The following YAE1 variants were observed in gnomAD, a reference collection of about 807,000 sequenced individuals.
YAE1 encodes the protein protein YAE1 homolog.
Under a neutral mutation model 23.0 loss-of-function variants are expected in YAE1, and 22 were observed. That is an observed-to-expected ratio of 0.96 (90% CI 0.68 to 1.37). The LOEUF is 1.37. Among genes scored for constraint, YAE1 ranks in the 40% most tolerant of loss-of-function variants. YAE1 has a pLI of 0.00. For synonymous variants in YAE1, 101 were observed against 97.0 expected, an observed-to-expected ratio of 1.04 and a Z score of -0.24; for missense variants, 260 against 262.1, an observed-to-expected ratio of 0.99 and a Z score of 0.06.
At chr7:39,576,757 C>G (rs1286505519), downstream of YAE1, among the ~76,000 whole-genome samples, 1 of 151,994 alleles carries the variant, frequency 6.6e-6, no homozygotes, top group Non-Finnish European at 1.5e-5. Context: ...TTCAGCATCA[C>G]ACCCTGTACA....
At chr7:39,597,661 G>A (rs1211614959) in intron 2 of YAE1, among the ~76,000 whole-genome samples, 2 of 152,182 alleles carry the variant, frequency 1.3e-5, no homozygotes, top group African/African-American at 4.8e-5. Flanking sequence ...CAGCAGGGCC[G>A]AGAAGCTGGG....
chr7:39,574,759 G>A (rs918333358), downstream of YAE1, among the ~76,000 whole-genome samples: 9 of 142,222 alleles, frequency 6.3e-5, no homozygotes, highest in African/African-American at 1.6e-4. Context: ...AAAAAAATCC[G>A]ACAGCCATGG....
At chr7:39,588,395 C>G (rs931177170) in intron 2 of YAE1, among the ~76,000 whole-genome samples, 32 of 151,992 alleles carry the variant, frequency 2.1e-4, no homozygotes, top group African/African-American at 7.7e-4. Context: ...GCCTGTAATC[C>G]CAGCTACTCA....
rs139348911 is a variant in YAE1 at position 39,590,367 on chromosome 7, G to T, written c.252-19250G>T. ...TTAAGATATGTCAGATAATTGCTAA[G>T]GGTTTTATATGGACTATGTTATTTT... On this transcript the variant is annotated intron_variant, in intron 2 of 2. Coordinates refer to the YAE1 transcript ENST00000432096. 9.5e-4 allele frequency among the ~76,000 whole-genome samples: 145 copies of T among 152,208 alleles called. 2 individuals carry two copies. The East Asian group carries it at 0.025, about 27-fold the overall frequency.
chr7:39,601,095 A>T (rs1791048955), intron 2 of YAE1, among the ~76,000 whole-genome samples: 2 of 152,228 alleles, frequency 1.3e-5, no homozygotes, highest in African/African-American at 4.8e-5. Context: ...TATTTTATGT[A>T]AGCAGGCATT....
At chr7:39,590,237 A>T (rs1790883047) in intron 2 of YAE1, among the ~76,000 whole-genome samples, 1 of 152,254 alleles carries the variant, frequency 6.6e-6, no homozygotes, top group African/African-American at 2.4e-5. Context: ...ACACAACTTA[A>T]ATGGTAATCT....
At chr7:39,610,094 C>T (rs1791188342) in exon 3 of YAE1, 1 of 1,297,288 alleles carries the variant, frequency 7.7e-7, no homozygotes, top group Non-Finnish European at 1.0e-6. Flanking sequence ...TGGACCAGCC[C>T]ACCTTGGCCC....
chr7:39,601,932 G>A (rs1261601782), intron 2 of YAE1, among the ~76,000 whole-genome samples: 1 of 151,966 alleles, frequency 6.6e-6, no homozygotes, highest in Non-Finnish European at 1.5e-5. Context: ...AACTTCAAGG[G>A]GCATAATGCC....
At chr7:39,580,487 T>A (rs2115797225) in intron 2 of YAE1, among the ~76,000 whole-genome samples, 1 of 152,356 alleles carries the variant, frequency 6.6e-6, no homozygotes, top group East Asian at 1.9e-4. Context: ...TCTGCGGAAG[T>A]TGAATCCTGG....
At chr7:39,599,606 C>G (rs770731122) in intron 2 of YAE1, among the ~76,000 whole-genome samples, 19 of 151,976 alleles carry the variant, frequency 1.3e-4, no homozygotes, top group Non-Finnish European at 2.4e-4. Flanking sequence ...GAAGTTATTA[C>G]CTCCTATAAT....
intron 2 of YAE1, chr7:39,609,453 C>A: frequency 2.3e-6 from 2 of 871,562 alleles, no homozygotes; most frequent in Non-Finnish European, 3.4e-6. Flanking sequence ...ATGATGTTAT[C>A]AAATTGGGAG....
At chr7:39,593,491 G>A (rs764350359) in intron 2 of YAE1, among the ~76,000 whole-genome samples, 3 of 152,036 alleles carry the variant, frequency 2.0e-5, no homozygotes, top group African/African-American at 7.2e-5. Flanking sequence ...CAAGTGATCC[G>A]CCTGCCCTGG....
intron 2 of YAE1, among the ~76,000 whole-genome samples, chr7:39,601,222 C>A (rs1301651661): frequency 6.6e-6 from 1 of 152,176 alleles, no homozygotes; most frequent in African/African-American, 2.4e-5. Context: ...AGTTCTGTGC[C>A]AGGAACATGC....
At position 39,570,529 on chromosome 7, in the gene YAE1, T is replaced by C; in HGVS notation, c.153T>C (p.Asp51=). 1 of 1,612,238 alleles carries C rather than the reference T, an allele frequency of 6.2e-7. No homozygotes were observed. Among genetic ancestry groups the C allele is most frequent in the Non-Finnish European group, 8.5e-7 (1 of 1,179,706 alleles). ...RVKEGYRDGI[D]AGKAVTLQQG... ...AGGAAGGTTATAGAGATGGAATAGA[T>C]GCTGGCAAAGCAGTTACTCTTCAAC... is the stretch of plus-strand genomic sequence containing the variant. Residue 51 remains aspartate (D), a synonymous_variant, in exon 2 of 3, where the codon GAT becomes GAC. Coordinates refer to ENST00000223273, the MANE Select transcript of YAE1 (RefSeq NM_020192.5).
chr7:39,569,979 C>G (rs904925027), intron 1 of YAE1: 1 of 1,356,792 alleles, frequency 7.4e-7, no homozygotes, highest in East Asian at 2.3e-5. Flanking sequence ...CTCAGATCTT[C>G]TCCCCATTCA....
chr7:39,587,340 T>C (rs1790835016), intron 2 of YAE1, among the ~76,000 whole-genome samples: 2 of 151,542 alleles, frequency 1.3e-5, no homozygotes, highest in Non-Finnish European at 2.9e-5. Flanking sequence ...TACAGGCTGT[T>C]GCTCCAGCCT....
At chr7:39,610,063 C>A in exon 3 of YAE1, 2 of 1,439,764 alleles carry the variant, frequency 1.4e-6, no homozygotes, top group Non-Finnish European at 9.1e-7. Flanking sequence ...CCCAGTGCTG[C>A]AGGTTTCTCC....
At chr7:39,611,087 G>T (rs148660150), downstream of YAE1, among the ~76,000 whole-genome samples, 1 of 151,972 alleles carries the variant, frequency 6.6e-6, no homozygotes, top group Non-Finnish European at 1.5e-5. Flanking sequence ...GGCAGAGGTT[G>T]CAGTGAGCCC....
chr7:39,608,300 G>A (rs780368096), intron 2 of YAE1, among the ~76,000 whole-genome samples: 5 of 152,196 alleles, frequency 3.3e-5, no homozygotes, highest in African/African-American at 4.8e-5. Flanking sequence ...CCCTAGGGAA[G>A]TTAAAAATTG....
Sources: gnomAD v4.1 joint callset for allele counts (sites outside exome capture counted in the v4.1 genomes callset) on GRCh38, gnomAD v4.1.1 for gene constraint, MANE v1.5 for transcripts, NCBI Gene and HGNC (gene_info 2026-07-23, HGNC 2026-07-21) for gene names.